ZNF682: variants seen among roughly 807,000 people sequenced by gnomAD.
The protein encoded by ZNF682 is zinc finger protein 682.
In ZNF682, 29 loss-of-function variants were observed where a neutral mutation model predicts 36.5. That is an observed-to-expected ratio of 0.80 (90% CI 0.59 to 1.08). ZNF682 has a LOEUF of 1.08. ZNF682 is among the 50% of genes least tolerant of loss of function. The pLI, the probability that ZNF682 is intolerant of heterozygous loss-of-function variation, is 0.00. For missense variants in ZNF682, 561 were observed against 579.7 expected, an observed-to-expected ratio of 0.97 and a Z score of 0.33; for synonymous variants, 180 against 197.0, an observed-to-expected ratio of 0.91 and a Z score of 0.72.
At chr19:20,000,504 C>A (rs1015885756), downstream of ZNF682, among the ~76,000 whole-genome samples, 2 of 152,224 alleles carry the variant, frequency 1.3e-5, no homozygotes, top group Non-Finnish European at 2.9e-5. Flanking sequence ...CACCACCCCC[C>A]ACTGCCATGT....
intron 3 of ZNF682, among the ~76,000 whole-genome samples, chr19:20,012,558 G>C (rs2088298664): frequency 6.6e-6 from 1 of 152,080 alleles, no homozygotes. Flanking sequence ...ACGAGGTCAG[G>C]AGATCAAGAC....
intron 1 of ZNF682, among the ~76,000 whole-genome samples, chr19:20,029,077 C>T (rs1460975980): frequency 6.7e-6 from 1 of 149,898 alleles, no homozygotes; most frequent in Admixed American, 6.7e-5. Flanking sequence ...CTCCCCAGTT[C>T]AAGCAATTCT....
intron 3 of ZNF682, chr19:20,015,877 T>A: frequency 2.5e-6 from 1 of 397,982 alleles, no homozygotes; most frequent in Non-Finnish European, 4.4e-6. Flanking sequence ...CATCTTTTAC[T>A]GTAAGAACAA....
Position 19,997,264 on chromosome 19 carries a change from C to A in ZNF682, c.227-1G>T. 1 of 398,564 alleles carries A rather than the reference C, an allele frequency of 2.5e-6. No homozygotes were observed. Among genetic ancestry groups the A allele is most frequent in the Non-Finnish European group, 4.4e-6 (1 of 226,046 alleles). 24.7% of individuals were successfully genotyped at this position (398,564 alleles called of 1,614,324 possible). On this transcript the variant is annotated splice_acceptor_variant, in intron 3 of 3. Transcript: ENST00000596019. LOFTEE classifies it high-confidence loss of function. Reference sequence around the variant, plus strand: ...TCCTACTGTCCAACTCTGTAGGTACCTGAAATGGAAATGAGCTATGTCCCC... The same window carrying A: ...TCCTACTGTCCAACTCTGTAGGTACATGAAATGGAAATGAGCTATGTCCCC...
In ZNF682 at chr19:20,006,769, T is replaced by TACTA; in HGVS notation, c.732_733insTAGT (p.Thr245Ter). ...CCAGTATGGATTCTCTTATGTTTAG[T>TACTA]AAGACTCGAGCACCAGTTAAAAGCT... On this transcript the variant is annotated stop_gained and frameshift_variant, in exon 4 of 4. Coordinates refer to ENST00000397165, the MANE Select transcript of ZNF682 (RefSeq NM_033196.3). LOFTEE classifies it high-confidence loss of function. 3 of 1,614,068 alleles carry TACTA rather than the reference T, an allele frequency of 1.9e-6. No homozygotes were observed. The highest frequency in any genetic ancestry group is 2.5e-6 in the Non-Finnish European group (3 of 1,180,014).
intron 1 of ZNF682, among the ~76,000 whole-genome samples, chr19:20,036,811 AAAG>A (rs138343438): frequency 0.32 from 8,678 of 26,904 alleles, 1,136 homozygotes; most frequent in South Asian, 0.41. Flanking sequence ...TATAAAAAAA[AAAG>A]AAAAAAAAAA....
chr19:20,009,775 T>C (rs2088266719), intron 3 of ZNF682, among the ~76,000 whole-genome samples: 1 of 151,970 alleles, frequency 6.6e-6, no homozygotes, highest in Admixed American at 6.6e-5. Flanking sequence ...AATCCGAGCT[T>C]TTTGGGAGGC....
chr19:20,003,190 CAAAAAAAAAA>C (rs755953644), downstream of ZNF682, among the ~76,000 whole-genome samples: 37 of 33,082 alleles, frequency 1.1e-3, no homozygotes, highest in African/African-American at 5.8e-3. Context: ...GACTCCGTCT[CAAAAAAAAAA>C]AAAAAAAAAA....
intron 1 of ZNF682, among the ~76,000 whole-genome samples, chr19:20,032,821 G>C (rs563670162): frequency 8.5e-5 from 13 of 152,326 alleles, no homozygotes; most frequent in African/African-American, 3.1e-4. Flanking sequence ...ACTTGTCGTA[G>C]ATAGTTTATC....
chr19:20,012,902 G>A (rs1366285180), intron 3 of ZNF682, among the ~76,000 whole-genome samples: 5 of 151,544 alleles, frequency 3.3e-5, no homozygotes, highest in African/African-American at 9.7e-5. Context: ...GAGATAAAAA[G>A]GGAGAAAAAG....
chr19:20,026,895 G>A (rs562231120), intron 1 of ZNF682, among the ~76,000 whole-genome samples: 7 of 152,320 alleles, frequency 4.6e-5, no homozygotes, highest in East Asian at 1.9e-4. Context: ...ATTTTTCAGC[G>A]CCTCTTAACT....
Position 20,024,383 on chromosome 19 carries a change from A to G in ZNF682, c.4-7T>C. The G allele has an allele frequency of 6.2e-7, 1 of 1,603,684 alleles. No homozygotes were observed. The highest frequency in any genetic ancestry group is 8.5e-7 in the Non-Finnish European group (1 of 1,176,752). On this transcript the variant is annotated splice_region_variant and splice_polypyrimidine_tract_variant and intron_variant, in intron 1 of 3. Coordinates refer to ENST00000397165, the MANE Select transcript of ZNF682 (RefSeq NM_033196.3). ...CCCTGAATGTCAACAGTTCCTGAAA[A>G]ACAAAACAAAACATAGTGACCAACT...
chr19:20,011,386 C>A (rs1052932719), intron 3 of ZNF682, among the ~76,000 whole-genome samples: 1 of 152,136 alleles, frequency 6.6e-6, no homozygotes, highest in Non-Finnish European at 1.5e-5. Context: ...GAAGACAACA[C>A]CTTACAGATA....
chr19:20,027,075 C>G (rs1173958399), intron 1 of ZNF682, among the ~76,000 whole-genome samples: 2 of 152,200 alleles, frequency 1.3e-5, no homozygotes, highest in East Asian at 3.8e-4. Flanking sequence ...ACACATTCAC[C>G]TGAGAACCAG....
intron 3 of ZNF682, chr19:20,015,452 C>T: frequency 1.0e-6 from 1 of 977,146 alleles, no homozygotes; most frequent in Non-Finnish European, 1.2e-6. Flanking sequence ...TACTGTCATA[C>T]AAAATTATAA....
At chr19:19,999,604 G>A (rs1372343367), downstream of ZNF682, among the ~76,000 whole-genome samples, 4 of 151,568 alleles carry the variant, frequency 2.6e-5, no homozygotes, top group African/African-American at 7.3e-5. Context: ...GCACGATCTC[G>A]GCTCACTGCA....
At chr19:20,034,963 G>C (rs1278368201) in intron 1 of ZNF682, among the ~76,000 whole-genome samples, 6 of 148,528 alleles carry the variant, frequency 4.0e-5, no homozygotes, top group African/African-American at 1.5e-4. Flanking sequence ...GGGCATGTTG[G>C]TGCGTGCCTG....
chr19:20,004,446 G>GA lies in ZNF682; in HGVS notation c.*1558dup, dbSNP rs533382413. ...ACACATTAAAAATAATTGTTTTATT[G>GA]AAACTAAGTTCACACAGTCTAAGAA... On this transcript the variant is annotated 3_prime_UTR_variant, in exon 4 of 4. Coordinates refer to ENST00000397165, the MANE Select transcript of ZNF682 (RefSeq NM_033196.3). 1.6e-4 allele frequency: 25 copies of GA among 152,238 alleles called. No individual in the cohort carries two copies. The South Asian group carries it at 5.2e-3, about 32-fold the overall frequency. 9.4% of individuals were successfully genotyped at this position (152,238 alleles called of 1,614,324 possible).
intron 1 of ZNF682, among the ~76,000 whole-genome samples, chr19:20,028,018 A>G (rs1367806704): frequency 6.6e-6 from 1 of 152,182 alleles, no homozygotes; most frequent in Admixed American, 6.5e-5. Context: ...CTTAATTAAA[A>G]CAATATGGAT....
Sources: gnomAD v4.1 joint callset for allele counts (sites outside exome capture counted in the v4.1 genomes callset) on GRCh38, gnomAD v4.1.1 for gene constraint, MANE v1.5 for transcripts, NCBI Gene and HGNC (gene_info 2026-07-23, HGNC 2026-07-21) for gene names.